Variants in RBFOX1 observed in about 807,000 individuals in gnomAD.
RBFOX1 encodes the protein RNA binding fox-1 homolog 1.
A neutral mutation model predicts 57.7 loss-of-function variants in RBFOX1; 8 were observed. That is an observed-to-expected ratio of 0.14 (90% CI 0.08 to 0.25). The LOEUF (loss-of-function observed/expected upper bound fraction) is 0.25, where lower values mean the gene tolerates loss of function less well. Ranked by LOEUF, RBFOX1 falls within the 10% of genes least tolerant of loss-of-function variation. RBFOX1 has a pLI of 1.00. For missense variants in RBFOX1, 611 were observed against 548.5 expected (o/e 1.11, Z -1.14); for synonymous variants, 326 against 222.4 (o/e 1.47, Z -4.15).
intron 4 of RBFOX1, among the ~76,000 whole-genome samples, chr16:7,068,502 C>CA (rs1483777518): frequency 1.1e-4 from 16 of 152,186 alleles, no homozygotes; most frequent in Admixed American, 3.3e-4. Flanking sequence ...TTCATTGCTT[C>CA]ACCATTTAAG....
At position 6,981,042 on chromosome 16, in the gene RBFOX1, C is replaced by CAAAAAAAAAAAAAAAAAAAACAAA. The variant is rs36117809; in HGVS notation, c.-15-70998_-15-70997insAAACAAAAAAAAAAAAAAAAAAAA. 1.5e-4 allele frequency among the ~76,000 whole-genome samples: 12 copies of CAAAAAAAAAAAAAAAAAAAACAAA among 77,436 alleles called. 1 individual carries two copies. Among genetic ancestry groups the CAAAAAAAAAAAAAAAAAAAACAAA allele is most frequent in the African/African-American group, 8.7e-4 (11 of 12,684 alleles). 50.8% of individuals were successfully genotyped at this position (77,436 alleles called of 152,430 possible). On this transcript the variant is annotated intron_variant, in intron 3 of 15. Coordinates refer to ENST00000550418, the MANE Select transcript of RBFOX1 (RefSeq NM_018723.4). ...TGGGTGGCAGAGCAAGTCTCAGTCTCAAAAAAAAAAAAAAAAACACTAAAA... is the reference window on the plus strand; with the variant it reads ...TGGGTGGCAGAGCAAGTCTCAGTCTCAAAAAAAAAAAAAAAAAAAACAAAAAAAAAAAAAAAAAAAACACTAAAA...
chr16:6,228,999 C>T (rs1184278917), intron 1 of RBFOX1, among the ~76,000 whole-genome samples: 3 of 151,962 alleles, frequency 2.0e-5, no homozygotes. Context: ...TTAAATGATG[C>T]ACAAATCCCC....
At chr16:7,109,633 G>C (rs187130386) in intron 4 of RBFOX1, among the ~76,000 whole-genome samples, 246 of 152,264 alleles carry the variant, frequency 1.6e-3, no homozygotes, top group Non-Finnish European at 2.9e-3. Context: ...AGGGCTCTAA[G>C]AGTAGAGACA....
At chr16:7,204,901 C>T (rs1440935659) in intron 4 of RBFOX1, among the ~76,000 whole-genome samples, 1 of 152,166 alleles carries the variant, frequency 6.6e-6, no homozygotes, top group Non-Finnish European at 1.5e-5. Context: ...ATATATTCAT[C>T]TTTCTATGTC....
At chr16:7,516,886 T>G (rs957870354) in intron 4 of RBFOX1, among the ~76,000 whole-genome samples, 1 of 152,206 alleles carries the variant, frequency 6.6e-6, no homozygotes, top group South Asian at 2.1e-4. Flanking sequence ...TGCACTCAAA[T>G]TGCTTTAGAG....
At chr16:7,159,301 C>G (rs747673340) in intron 4 of RBFOX1, among the ~76,000 whole-genome samples, 4 of 152,130 alleles carry the variant, frequency 2.6e-5, no homozygotes, top group African/African-American at 7.2e-5. Context: ...GTGCCATTGT[C>G]ACTGCGTCAT....
At chr16:6,597,053 A>G (rs748234855) in intron 2 of RBFOX1, among the ~76,000 whole-genome samples, 1 of 152,158 alleles carries the variant, frequency 6.6e-6, no homozygotes, top group Non-Finnish European at 1.5e-5. Flanking sequence ...CTTGCCCCCT[A>G]CAGTGGCTGT....
chr16:5,650,788 G>A (rs959821471), intron 3 of RBFOX1, among the ~76,000 whole-genome samples: 3 of 152,032 alleles, frequency 2.0e-5, no homozygotes, highest in African/African-American at 7.2e-5. Context: ...TTTGGGTCTT[G>A]TTAACAGACG....
At chr16:6,947,926 C>T (rs1244918613) in intron 3 of RBFOX1, among the ~76,000 whole-genome samples, 1 of 151,930 alleles carries the variant, frequency 6.6e-6, no homozygotes, top group African/African-American at 2.4e-5. Context: ...ACAGGCTCAA[C>T]CCACCATGCC....
At chr16:5,511,151 C>G (rs1450557616) in intron 2 of RBFOX1, among the ~76,000 whole-genome samples, 1 of 152,184 alleles carries the variant, frequency 6.6e-6, no homozygotes, top group African/African-American at 2.4e-5. Flanking sequence ...AGCCTAAGCC[C>G]TGGCCCCTGA....
chr16:6,713,535 AC>A (rs1045661303), intron 3 of RBFOX1, among the ~76,000 whole-genome samples: 5 of 151,612 alleles, frequency 3.3e-5, no homozygotes, highest in African/African-American at 7.3e-5. Context: ...TGCAAGTAAA[AC>A]CCCCTCCCCA....
At chr16:6,796,934 A>G (rs2084202170) in intron 3 of RBFOX1, among the ~76,000 whole-genome samples, 1 of 152,156 alleles carries the variant, frequency 6.6e-6, no homozygotes, top group Admixed American at 6.5e-5. Flanking sequence ...CTCAAATTGG[A>G]AATCATTGAG....
At chr16:5,732,251 T>G (rs1014777666) in intron 3 of RBFOX1, among the ~76,000 whole-genome samples, 2 of 152,216 alleles carry the variant, frequency 1.3e-5, no homozygotes, top group Non-Finnish European at 2.9e-5. Context: ...CCTTGAAATT[T>G]GTAAATCATC....
At chr16:7,294,943 C>G (rs2095861819) in intron 4 of RBFOX1, among the ~76,000 whole-genome samples, 1 of 152,066 alleles carries the variant, frequency 6.6e-6, no homozygotes, top group African/African-American at 2.4e-5. Context: ...CTTCTTGTGC[C>G]CTCAGTTTCT....
At chr16:6,024,912 G>T (rs76277768) in intron 1 of RBFOX1, among the ~76,000 whole-genome samples, 1 of 152,302 alleles carries the variant, frequency 6.6e-6, no homozygotes, top group Non-Finnish European at 1.5e-5. Flanking sequence ...AAAGACTTCC[G>T]TTCTAGGATA....
chr16:6,114,614 C>G (rs1383354738), intron 1 of RBFOX1, among the ~76,000 whole-genome samples: 2 of 152,134 alleles, frequency 1.3e-5, no homozygotes, highest in East Asian at 1.9e-4. Context: ...TTAGTTCAGT[C>G]TTTCTGATAC....
intron 2 of RBFOX1, among the ~76,000 whole-genome samples, chr16:6,514,441 T>TC (rs1441383652): frequency 6.6e-6 from 1 of 152,154 alleles, no homozygotes; most frequent in Non-Finnish European, 1.5e-5. Flanking sequence ...CCAGGTTTAG[T>TC]CCCCTGCTGA....
intron 2 of RBFOX1, among the ~76,000 whole-genome samples, chr16:6,591,764 T>C (rs2097714441): frequency 6.6e-6 from 1 of 152,206 alleles, no homozygotes; most frequent in African/African-American, 2.4e-5. Context: ...AGAGTCTGCA[T>C]TTGTAAATGA....
At chr16:5,711,318 G>C (rs1429110581) in intron 3 of RBFOX1, among the ~76,000 whole-genome samples, 2 of 152,194 alleles carry the variant, frequency 1.3e-5, no homozygotes, top group African/African-American at 4.8e-5. Context: ...GCACAGAGAG[G>C]TTAAGTGGCC....
Sources: allele counts gnomAD v4.1 joint callset (sites outside exome capture counted in the v4.1 genomes callset), GRCh38; gene constraint gnomAD v4.1.1; transcripts MANE v1.5; gene names NCBI Gene and HGNC (gene_info 2026-07-23, HGNC 2026-07-21).